The following TMEM163 variants were observed in gnomAD, a reference collection of about 807,000 sequenced individuals.
The protein encoded by TMEM163 is transmembrane protein 163.
TMEM163 carries 17 observed loss-of-function variants against 29.3 expected under a neutral mutation model. That is an observed-to-expected ratio of 0.58 (90% CI 0.40 to 0.87). TMEM163 has a LOEUF of 0.87. Among genes scored for constraint, TMEM163 ranks in the 40% least tolerant of loss-of-function variants. The pLI, the probability that TMEM163 is intolerant of heterozygous loss-of-function variation, is 0.00. For synonymous variants in TMEM163, 157 were observed against 160.6 expected, an observed-to-expected ratio of 0.98 and a Z score of 0.17; for missense variants, 303 against 381.5, an observed-to-expected ratio of 0.79 and a Z score of 1.71.
chr2:134,543,673 G>C (rs1029619586), intron 4 of TMEM163, among the ~76,000 whole-genome samples: 1 of 152,216 alleles, frequency 6.6e-6, no homozygotes, highest in Non-Finnish European at 1.5e-5. Context: ...CAGCAAGGGT[G>C]CTGGTGGAGT....
At chr2:134,577,428 C>T (rs767688094) in intron 2 of TMEM163, among the ~76,000 whole-genome samples, 4 of 152,250 alleles carry the variant, frequency 2.6e-5, no homozygotes, top group African/African-American at 4.8e-5. Context: ...ACAGCTGGGA[C>T]GCTGAGGCAT....
At chr2:134,615,622 T>C (rs1476393618) in intron 2 of TMEM163, among the ~76,000 whole-genome samples, 1 of 150,372 alleles carries the variant, frequency 6.7e-6, no homozygotes, top group African/African-American at 2.4e-5. Context: ...ACTTGATCTG[T>C]GCCAGATCAG....
intron 2 of TMEM163, among the ~76,000 whole-genome samples, chr2:134,567,458 G>A (rs887388647): frequency 8.5e-5 from 13 of 152,264 alleles, no homozygotes; most frequent in African/African-American, 7.2e-5. Context: ...TTGGGAGGCC[G>A]AGGCGGGAGG....
At chr2:134,569,859 A>T (rs1019795762) in intron 2 of TMEM163, among the ~76,000 whole-genome samples, 2 of 152,182 alleles carry the variant, frequency 1.3e-5, no homozygotes, top group Admixed American at 6.5e-5. Flanking sequence ...TTAAATTGCA[A>T]GCTGTTCTGA....
intron 4 of TMEM163, among the ~76,000 whole-genome samples, chr2:134,514,440 A>AT (rs1470310570): frequency 1.1e-5 from 1 of 92,398 alleles, no homozygotes; most frequent in African/African-American, 4.2e-5. Flanking sequence ...ATCTTGTATT[A>AT]TTTTAAGAAA....
intron 2 of TMEM163, among the ~76,000 whole-genome samples, chr2:134,678,299 G>C (rs1371406210): frequency 6.6e-6 from 1 of 152,188 alleles, no homozygotes; most frequent in African/African-American, 2.4e-5. Context: ...TGTAAATCCA[G>C]GCAGATGGCT....
chr2:134,586,830 G>A (rs1681833264), intron 2 of TMEM163, among the ~76,000 whole-genome samples: 1 of 152,152 alleles, frequency 6.6e-6, no homozygotes. Context: ...AAGTGGCAGA[G>A]GTTATTAGAG....
chr2:134,638,927 G>T (rs1163565370), intron 2 of TMEM163, among the ~76,000 whole-genome samples: 8 of 152,196 alleles, frequency 5.3e-5, no homozygotes, highest in Non-Finnish European at 1.0e-4. Context: ...ATGGAACTCA[G>T]AAGGGACAGG....
intron 4 of TMEM163, among the ~76,000 whole-genome samples, chr2:134,541,771 T>TGC (rs1558939077): frequency 3.4e-5 from 3 of 87,452 alleles, no homozygotes; most frequent in Non-Finnish European, 3.9e-5. Context: ...TGTACACACG[T>TGC]GCACACACAC....
intron 2 of TMEM163, among the ~76,000 whole-genome samples, chr2:134,574,053 C>G (rs1003531337): frequency 6.6e-6 from 1 of 152,180 alleles, no homozygotes; most frequent in Admixed American, 6.5e-5. Flanking sequence ...AATTTACAGC[C>G]AAATTTTAGA....
At chr2:134,598,932 A>G (rs72844124) in intron 2 of TMEM163, among the ~76,000 whole-genome samples, 69 of 145,652 alleles carry the variant, frequency 4.7e-4, no homozygotes, top group Admixed American at 6.2e-4. Flanking sequence ...AAAAAAAAAA[A>G]AAAGAAAGAA....
At chr2:134,462,439 GCT>G (rs1479914059) in intron 6 of TMEM163, among the ~76,000 whole-genome samples, 1 of 152,094 alleles carries the variant, frequency 6.6e-6, no homozygotes, top group Non-Finnish European at 1.5e-5. Flanking sequence ...GCCCTGCCAT[GCT>G]CTGTCCCCCC....
intron 2 of TMEM163, among the ~76,000 whole-genome samples, chr2:134,704,914 A>C (rs1389121759): frequency 6.6e-6 from 1 of 152,056 alleles, no homozygotes; most frequent in African/African-American, 2.4e-5. Context: ...TGTCCTCAAA[A>C]TTCAAATGTT....
chr2:134,549,351 A>G (rs556529154), intron 4 of TMEM163, among the ~76,000 whole-genome samples: 8 of 152,252 alleles, frequency 5.3e-5, no homozygotes, highest in African/African-American at 1.9e-4. Flanking sequence ...CCCATTCAAG[A>G]GTACTTTCTT....
At chr2:134,698,431 C>A (rs1684625765) in intron 2 of TMEM163, among the ~76,000 whole-genome samples, 1 of 152,174 alleles carries the variant, frequency 6.6e-6, no homozygotes, top group Non-Finnish European at 1.5e-5. Flanking sequence ...CCTCATTTCA[C>A]TTCTAATTAC....
At chr2:134,497,747 G>C (rs1161868505) in intron 5 of TMEM163, among the ~76,000 whole-genome samples, 2 of 152,182 alleles carry the variant, frequency 1.3e-5, no homozygotes, top group Non-Finnish European at 2.9e-5. Context: ...TTTGCTAAAA[G>C]TCACTCAGCC....
intron 2 of TMEM163, among the ~76,000 whole-genome samples, chr2:134,577,417 C>T (rs978901140): frequency 6.6e-6 from 1 of 152,174 alleles, no homozygotes; most frequent in Admixed American, 6.5e-5. Flanking sequence ...TTAGGGGAGG[C>T]ACAGCTGGGA....
intron 4 of TMEM163, among the ~76,000 whole-genome samples, chr2:134,511,408 G>A (rs528758539): frequency 6.6e-6 from 1 of 152,324 alleles, no homozygotes; most frequent in Non-Finnish European, 1.5e-5. Flanking sequence ...TTCCACTAAG[G>A]ATGGCAGGGC....
chr2:134,627,172 C>T (rs1669567090), intron 2 of TMEM163, among the ~76,000 whole-genome samples: 1 of 152,102 alleles, frequency 6.6e-6, no homozygotes, highest in Admixed American at 6.6e-5. Context: ...AAATTGTCTG[C>T]TCATGTCTTT....
Sources: allele counts gnomAD v4.1 joint callset (sites outside exome capture counted in the v4.1 genomes callset), GRCh38; gene constraint gnomAD v4.1.1; transcripts MANE v1.5; gene names NCBI Gene and HGNC (gene_info 2026-07-23, HGNC 2026-07-21).